Variants in NCAM2 observed in about 807,000 individuals in gnomAD.
NCAM2 encodes the protein neural cell adhesion molecule 2.
Under a neutral mutation model 98.1 loss-of-function variants are expected in NCAM2, and 30 were observed. The observed-to-expected ratio is 0.31, with a 90% CI of 0.23 to 0.41. The LOEUF (loss-of-function observed/expected upper bound fraction) is 0.41, where lower values mean the gene tolerates loss of function less well. Ranked by LOEUF, NCAM2 falls within the 10% of genes least tolerant of loss-of-function variation. The pLI is 1.00. For missense variants in NCAM2, 867 were observed against 1,005.8 expected, an observed-to-expected ratio of 0.86 and a Z score of 1.87; for synonymous variants, 368 against 342.4, an observed-to-expected ratio of 1.07 and a Z score of -0.83.
chr21:21,076,805 G>A (rs758223021), intron 1 of NCAM2, among the ~76,000 whole-genome samples: 10 of 152,078 alleles, frequency 6.6e-5, no homozygotes, highest in Non-Finnish European at 1.0e-4. Flanking sequence ...GGAGCAAAAT[G>A]GGAAGAATCC....
At chr21:21,116,964 GA>G (rs1161267596) in intron 1 of NCAM2, among the ~76,000 whole-genome samples, 2 of 151,930 alleles carry the variant, frequency 1.3e-5, no homozygotes, top group Admixed American at 1.3e-4. Context: ...AATTTTTGGG[GA>G]AAAAAACAAT....
chr21:21,231,120 T>G (rs1466636455), intron 1 of NCAM2, among the ~76,000 whole-genome samples: 2 of 151,388 alleles, frequency 1.3e-5, no homozygotes, highest in African/African-American at 4.8e-5. Flanking sequence ...AGTGATATAT[T>G]GATTTTCAGT....
intron 6 of NCAM2, among the ~76,000 whole-genome samples, chr21:21,324,726 T>C (rs2074468375): frequency 6.6e-6 from 1 of 152,294 alleles, no homozygotes; most frequent in East Asian, 1.9e-4. Context: ...GTACCCATTA[T>C]ACTTATTCTG....
At chr21:21,495,710 C>A (rs1172555616) in intron 15 of NCAM2, among the ~76,000 whole-genome samples, 1 of 151,978 alleles carries the variant, frequency 6.6e-6, no homozygotes, top group Non-Finnish European at 1.5e-5. Context: ...CAGAATCACA[C>A]ACAGTTTCAT....
intron 12 of NCAM2, among the ~76,000 whole-genome samples, chr21:21,458,644 G>A (rs1435220677): frequency 2.0e-5 from 3 of 152,188 alleles, no homozygotes; most frequent in Non-Finnish European, 4.4e-5. Flanking sequence ...CCAGCTCCTT[G>A]ATCTTGGACT....
intron 1 of NCAM2, among the ~76,000 whole-genome samples, chr21:21,225,993 C>T (rs904008461): frequency 2.6e-5 from 4 of 152,060 alleles, no homozygotes; most frequent in African/African-American, 7.2e-5. Flanking sequence ...AGAATGAAAT[C>T]ATGTCCTTTG....
intron 6 of NCAM2, among the ~76,000 whole-genome samples, chr21:21,328,960 T>G (rs544844157): frequency 5.3e-5 from 8 of 150,878 alleles, no homozygotes; most frequent in Admixed American, 1.3e-4. Context: ...ATTAATTTTT[T>G]TTTTTTTTTT....
chr21:21,332,160 G>T (rs1317651930), intron 6 of NCAM2, among the ~76,000 whole-genome samples: 1 of 152,010 alleles, frequency 6.6e-6, no homozygotes, highest in Non-Finnish European at 1.5e-5. Context: ...TGCCCGCCTC[G>T]GCCTCCCAAA....
intron 1 of NCAM2, among the ~76,000 whole-genome samples, chr21:21,258,165 T>C (rs2071749165): frequency 6.6e-6 from 1 of 152,162 alleles, no homozygotes; most frequent in South Asian, 2.1e-4. Flanking sequence ...AGTCACAGAA[T>C]GTGTATTTTT....
chr21:21,137,244 A>G (rs1020823024), intron 1 of NCAM2, among the ~76,000 whole-genome samples: 19 of 152,250 alleles, frequency 1.2e-4, no homozygotes, highest in African/African-American at 4.3e-4. Flanking sequence ...TGCCATTATT[A>G]TACTAAAATA....
At chr21:21,519,700 C>T (rs1431618384) in intron 16 of NCAM2, among the ~76,000 whole-genome samples, 1 of 152,016 alleles carries the variant, frequency 6.6e-6, no homozygotes, top group African/African-American at 2.4e-5. Flanking sequence ...ATATAAATTT[C>T]TTCTGCTTTG....
rs149722341 is a variant in NCAM2, at chr21:21,536,987, A to G, written c.2403-859A>G. On this transcript the variant is annotated intron_variant, in intron 17 of 17. Coordinates refer to ENST00000400546, the MANE Select transcript of NCAM2 (RefSeq NM_004540.5). ...TGTGAAAAGAGACAAAAGAAAACAT[A>G]TACAATAAATATTAAAAAGTGAGCA... Among the ~76,000 whole-genome samples the G allele has an allele frequency of 1.6e-3, 246 of 152,312 alleles. 1 individual carries two copies. Among genetic ancestry groups the G allele is most frequent in the African/African-American group, 5.5e-3 (227 of 41,584 alleles).
At chr21:21,424,083 TA>T (rs1490411916) in intron 11 of NCAM2, among the ~76,000 whole-genome samples, 2 of 152,230 alleles carry the variant, frequency 1.3e-5, no homozygotes, top group Non-Finnish European at 2.9e-5. Context: ...TTCTTTAACA[TA>T]ATCAGTTTTA....
intron 1 of NCAM2, among the ~76,000 whole-genome samples, chr21:21,237,578 G>T (rs1265093331): frequency 1.3e-5 from 2 of 151,954 alleles, no homozygotes; most frequent in Non-Finnish European, 2.9e-5. Flanking sequence ...TTATATCCCA[G>T]ATTAAGAATT....
intron 13 of NCAM2, 79 bp from the exon 14 acceptor site, chr21:21,468,583 C>A: frequency 4.4e-6 from 6 of 1,367,856 alleles, no homozygotes; most frequent in Non-Finnish European, 6.0e-6. Context: ...GATTACATTA[C>A]TGTTCTTTTT....
chr21:21,331,055 A>T (rs1236809564), intron 6 of NCAM2, among the ~76,000 whole-genome samples: 1 of 152,022 alleles, frequency 6.6e-6, no homozygotes, highest in African/African-American at 2.4e-5. Context: ...AAATATTGGA[A>T]TATATTTCTA....
intron 1 of NCAM2, among the ~76,000 whole-genome samples, chr21:21,080,608 C>A (rs1242709374): frequency 2.1e-5 from 2 of 97,084 alleles, no homozygotes; most frequent in Non-Finnish European, 3.9e-5. Context: ...AAGAGCAAAA[C>A]TCTGTCAAAA....
chr21:21,491,175 A>G (rs939676002), intron 15 of NCAM2, among the ~76,000 whole-genome samples: 1 of 151,858 alleles, frequency 6.6e-6, no homozygotes, highest in Non-Finnish European at 1.5e-5. Context: ...ATATTGTAAA[A>G]ATAATTTCGT....
At chr21:21,516,787 T>A (rs1988737723) in intron 16 of NCAM2, among the ~76,000 whole-genome samples, 1 of 152,180 alleles carries the variant, frequency 6.6e-6, no homozygotes, top group Non-Finnish European at 1.5e-5. Flanking sequence ...TGTCTTACTT[T>A]GGTTTTCAAA....
Sources: gnomAD v4.1 joint callset for allele counts (sites outside exome capture counted in the v4.1 genomes callset) on GRCh38, gnomAD v4.1.1 for gene constraint, MANE v1.5 for transcripts, NCBI Gene and HGNC (gene_info 2026-07-23, HGNC 2026-07-21) for gene names.